PTCH1: variants seen among roughly 807,000 people sequenced by gnomAD.
PTCH1 encodes patched 1, also known as protein patched homolog 1.
Under a neutral mutation model 144.6 loss-of-function variants are expected in PTCH1, and 14 were observed. The ratio of observed to expected loss-of-function variants is 0.10; its 90% CI spans 0.06 to 0.15. The LOEUF is 0.15. Among genes scored for constraint, PTCH1 ranks in the 10% least tolerant of loss-of-function variants. The pLI is 1.00. For missense variants in PTCH1, 1,623 were observed against 1,948.3 expected, an observed-to-expected ratio of 0.83 and a Z score of 3.14; for synonymous variants, 833 against 793.6, an observed-to-expected ratio of 1.05 and a Z score of -0.83.
At chr9:95,507,950 C>T (rs1843852953) in intron 1 of PTCH1, 5 of 1,463,626 alleles carry the variant, frequency 3.4e-6, no homozygotes, top group South Asian at 2.7e-5. Context: ...CCCCTGCGGA[C>T]CTCAGACAGC....
chr9:95,467,562 T>C (rs1394797226), intron 14 of PTCH1, 137 bp from the exon 15 acceptor site: 7 of 843,386 alleles, frequency 8.3e-6, no homozygotes, highest in Non-Finnish European at 1.1e-5. Context: ...TGTTCTCCCA[T>C]AGGAAAAAGG....
At chr9:95,454,468 A>T (rs899338430) in intron 19 of PTCH1, among the ~76,000 whole-genome samples, 1 of 152,250 alleles carries the variant, frequency 6.6e-6, no homozygotes, top group Non-Finnish European at 1.5e-5. Context: ...AGATGAAAAA[A>T]TACAAATATA....
rs1353544328 is a variant in PTCH1, at chr9:95,457,891, T to C, written c.3168+122A>G. On this transcript the variant is annotated intron_variant, in intron 18 of 23. Coordinates refer to ENST00000331920, the MANE Select transcript of PTCH1 (RefSeq NM_000264.5). ...CACCACCTCGAGTAGAATAAACATA[T>C]TACGGATGATGCAAGCTATACCCTC... 5 of 1,333,256 alleles carry C rather than the reference T, an allele frequency of 3.8e-6. No individual in the cohort carries two copies. In the Admixed American group the frequency reaches 5.6e-5, roughly 15 times the overall value. 82.6% of individuals were successfully genotyped at this position (1,333,256 alleles called of 1,614,324 possible).
At chr9:95,486,802 G>A (rs918210507) in intron 2 of PTCH1, among the ~76,000 whole-genome samples, 1 of 152,248 alleles carries the variant, frequency 6.6e-6, no homozygotes, top group Admixed American at 6.5e-5. Context: ...GCCAAGCCAA[G>A]CTCCGAATGC....
At chr9:95,491,166 G>A (rs990378323) in intron 2 of PTCH1, among the ~76,000 whole-genome samples, 11 of 152,126 alleles carry the variant, frequency 7.2e-5, no homozygotes, top group African/African-American at 2.4e-4. Context: ...ATACTTGGGT[G>A]GTGCTTTCCA....
exon 1 of PTCH1, chr9:95,516,542 A>G (rs1318591282): frequency 3.2e-6 from 5 of 1,541,578 alleles, no homozygotes; most frequent in African/African-American, 2.8e-5. Flanking sequence ...TTTCACATCA[A>G]TTCCTTTTTT....
At chr9:95,475,604 G>A (rs574446306) in intron 12 of PTCH1, among the ~76,000 whole-genome samples, 4 of 152,158 alleles carry the variant, frequency 2.6e-5, no homozygotes, top group Admixed American at 2.0e-4. Flanking sequence ...TGGCAAAAGC[G>A]AAAGAAAAGG....
intron 16 of PTCH1, among the ~76,000 whole-genome samples, chr9:95,461,150 T>G (rs1839422584): frequency 6.6e-6 from 1 of 152,080 alleles, no homozygotes; most frequent in Non-Finnish European, 1.5e-5. Context: ...AACACACTCC[T>G]GAACACACCT....
chr9:95,484,469 T>C (rs778245209), intron 3 of PTCH1, among the ~76,000 whole-genome samples: 68 of 152,328 alleles, frequency 4.5e-4, no homozygotes, highest in Non-Finnish European at 6.2e-4. Flanking sequence ...CCTAGGATCC[T>C]GTCGAGCTGG....
Position 95,458,999 on chromosome 9 carries a change from C to T in PTCH1, c.2887+601G>A, listed in dbSNP as rs973501804. Among the ~76,000 whole-genome samples, 40 of 152,332 alleles carry T rather than the reference C, an allele frequency of 2.6e-4. No individual in the cohort carries two copies. The highest frequency in any genetic ancestry group is 8.9e-4 in the African/African-American group (37 of 41,578). ...TTGCAAGGGGACCCGTCTTCTTTCT[C>T]ACATCCTCCCTTGGCCCGGTATCCA... is the stretch of plus-strand genomic sequence containing the variant. On this transcript the variant is annotated intron_variant, in intron 17 of 23. Coordinates refer to ENST00000331920, the MANE Select transcript of PTCH1 (RefSeq NM_000264.5). This position sits in a 1 kb window ranked among gnomAD's most constrained non-coding sequence, Gnocchi z 4.7.
At chr9:95,453,194 G>A (rs1421199666) in intron 20 of PTCH1, 26 of 413,720 alleles carry the variant, frequency 6.3e-5, no homozygotes, top group South Asian at 6.2e-5. Flanking sequence ...GTGTAGTGGC[G>A]CAATCTCAGC....
intron 2 of PTCH1, among the ~76,000 whole-genome samples, chr9:95,497,657 A>T (rs1450505557): frequency 6.6e-6 from 1 of 152,072 alleles, no homozygotes; most frequent in Non-Finnish European, 1.5e-5. Flanking sequence ...CTGTGACAAG[A>T]GCGCTCTTCC....
Position 95,443,316 on chromosome 9 carries a change from G to A in PTCH1, c.*3077C>T, listed in dbSNP as rs962758930. ...AGAGCAAAAAAGAAGAGTGTCACAA[G>A]GTCAGCAAGATGAAACAACAGTTTC... On this transcript the variant is annotated 3_prime_UTR_variant, in exon 24 of 24. Coordinates refer to ENST00000331920, the MANE Select transcript of PTCH1 (RefSeq NM_000264.5). 6.6e-6 allele frequency: 1 copy of A among 152,206 alleles called. No individual in the cohort carries two copies. Among genetic ancestry groups the A allele is most frequent in the South Asian group, 2.1e-4 (1 of 4,820 alleles). 9.4% of individuals were successfully genotyped at this position (152,206 alleles called of 1,614,324 possible). A position where few individuals can be genotyped will look rare whatever the true frequency, so the allele number is the denominator to read the frequency against.
At chr9:95,508,101 G>C (rs1379275520) in intron 1 of PTCH1, 60 bp downstream of exon 1, 2 of 1,602,800 alleles carry the variant, frequency 1.2e-6, no homozygotes, top group Non-Finnish European at 1.7e-6. Context: ...GTGTGGCGGG[G>C]GCGATCCCAA....
chr9:95,480,698 T>C (rs994740462), intron 5 of PTCH1, 110 bp from the exon 6 acceptor site: 1 of 1,132,434 alleles, frequency 8.8e-7, no homozygotes, highest in South Asian at 1.3e-5. Flanking sequence ...CTGGCAATGC[T>C]GCAGTTCTGG....
chr9:95,506,672 A>ACCCGCCCGCTTGCGCGCG (rs1843677250), intron 1 of PTCH1, 73 bp from the exon 2 acceptor site: 2 of 1,387,198 alleles, frequency 1.4e-6, no homozygotes, highest in Non-Finnish European at 9.5e-7. Flanking sequence ...GCTTGCGCGC[A>ACCCGCCCGCTTGCGCGCG]CCCGCCCGGT....
Position 95,508,369 on chromosome 9 carries a change from C to T in PTCH1, c.-8G>A. 9.0e-7 allele frequency: 1 copy of T among 1,116,544 alleles called. No homozygotes were observed. The highest frequency in any genetic ancestry group is 1.1e-6 in the Non-Finnish European group (1 of 906,396). 69.2% of individuals were successfully genotyped at this position (1,116,544 alleles called of 1,614,324 possible). A position where few individuals can be genotyped will look rare whatever the true frequency, so the allele number is the denominator to read the frequency against. ...GTTACCAGCCGAGGCCATGTTGCCGCCGCCGCCGCCGCCGCCGCGGGGACG... is the reference window on the plus strand; with the variant it reads ...GTTACCAGCCGAGGCCATGTTGCCGTCGCCGCCGCCGCCGCCGCGGGGACG... On this transcript the variant is annotated 5_prime_UTR_variant, in exon 1 of 24. Transcript: ENST00000331920.
chr9:95,512,039 A>G (rs923738213), upstream of PTCH1, among the ~76,000 whole-genome samples: 3 of 152,218 alleles, frequency 2.0e-5, no homozygotes, highest in African/African-American at 7.2e-5. Context: ...GTTTGGAAGA[A>G]GGAATTCTGG....
chr9:95,468,602 T>G (rs999496975), intron 14 of PTCH1, 149 bp downstream of exon 14: 1 of 1,050,498 alleles, frequency 9.5e-7, no homozygotes, highest in Non-Finnish European at 1.4e-6. Flanking sequence ...TCTAAAAGCA[T>G]TGACTTTTGG....
Sources: allele counts gnomAD v4.1 joint callset (sites outside exome capture counted in the v4.1 genomes callset), GRCh38; gene constraint gnomAD v4.1.1; non-coding constraint Gnocchi (gnomAD v3.1); transcripts MANE v1.5; gene names NCBI Gene and HGNC (gene_info 2026-07-23, HGNC 2026-07-21).